COL4A6: variants seen among roughly 807,000 people sequenced by gnomAD.
COL4A6 encodes the protein collagen alpha-6(IV) chain.
In COL4A6, 59 loss-of-function variants were observed where a neutral mutation model predicts 126.7. That is an observed-to-expected ratio of 0.47 (90% CI 0.38 to 0.58). The LOEUF is 0.58. COL4A6 is among the 20% of genes least tolerant of loss of function. The pLI is 0.00. For missense variants in COL4A6, 1,285 were observed against 1,337.3 expected (o/e 0.96, Z 0.61); for synonymous variants, 547 against 496.6 (o/e 1.10, Z -1.35).
intron 2 of COL4A6, among the ~76,000 whole-genome samples, chrX:108,360,622 C>T (rs999042437): frequency 6.0e-4 from 65 of 107,738 alleles, no homozygotes; most frequent in African/African-American, 1.9e-3. Flanking sequence ...CTGCAACCTC[C>T]GCCTCCCGGG....
chrX:108,161,684 G>A lies in COL4A6; in HGVS notation c.4268C>T (p.Pro1423Leu), dbSNP rs1236230288. 1.7e-6 allele frequency: 2 copies of A among 1,204,530 alleles called. No homozygotes were observed. The highest frequency in any genetic ancestry group is 1.1e-6 in the Non-Finnish European group (1 of 892,368). ...ATCACCAAGAGCCCCAGGTGGGCCT[G>A]GGAGCCCACTGGGGCCATCTTTACC... Reference protein sequence around the residue: ...IPGKDGPSGLPGPPGALGDPG... With the variant: ...IPGKDGPSGLLGPPGALGDPG... The change falls in exon 42 of 45, where the codon CCA (proline) becomes CTA (leucine). Residue 1423 changes from proline to leucine, a missense_variant. Pro to Leu is a moderately conservative substitution (Grantham distance 98). Transcript: ENST00000334504.
chrX:108,287,502 C>T (rs1192158043), intron 3 of COL4A6, among the ~76,000 whole-genome samples: 1 of 111,768 alleles, frequency 8.9e-6, no homozygotes, highest in Non-Finnish European at 1.9e-5. Flanking sequence ...GAGTTTAGGG[C>T]TAATTTGGCA....
chrX:108,194,944 T>A (rs2035163789), intron 15 of COL4A6, 138 bp downstream of exon 15: 1 of 526,184 alleles, frequency 1.9e-6, no homozygotes. Context: ...GGACAGTGGC[T>A]AAGATTATAC....
chrX:108,194,669 T>C, intron 15 of COL4A6, 82 bp from the exon 16 acceptor site: 1 of 936,587 alleles, frequency 1.1e-6, no homozygotes, highest in Non-Finnish European at 1.5e-6. Context: ...CCAGGGCAAA[T>C]GGCACAGGGA....
chrX:108,316,913 A>T (rs903303150), intron 2 of COL4A6, among the ~76,000 whole-genome samples: 1 of 112,218 alleles, frequency 8.9e-6, no homozygotes, highest in Admixed American at 9.5e-5. Context: ...GCCAGATCAT[A>T]GAAGATTTCA....
At chrX:108,437,154 T>A (rs900989950) in intron 2 of COL4A6, among the ~76,000 whole-genome samples, 11 of 111,922 alleles carry the variant, frequency 9.8e-5, no homozygotes, top group African/African-American at 3.6e-4. Context: ...AACTGCAGCA[T>A]CTTTGATTAT....
At position 108,155,688 on chromosome X, in the gene COL4A6, A is replaced by G. The variant is rs761131685; in HGVS notation, c.*1312T>C. 1.8e-5 allele frequency: 2 copies of G among 112,446 alleles called. No homozygotes were observed. Among genetic ancestry groups the G allele is most frequent in the Admixed American group, 9.4e-5 (1 of 10,604 alleles). 9.3% of individuals were successfully genotyped at this position (112,446 alleles called of 1,213,427 possible). ...TATTACTCAGGAGGTAAAGATAACA[A>G]TAATTCAGATTATATTGATTATGCT... On this transcript the variant is annotated 3_prime_UTR_variant, in exon 45 of 45. Transcript: ENST00000334504.
intron 2 of COL4A6, among the ~76,000 whole-genome samples, chrX:108,353,457 T>A (rs970619053): frequency 1.8e-5 from 2 of 112,269 alleles, no homozygotes; most frequent in Admixed American, 9.4e-5. Flanking sequence ...GGCTTTGTAT[T>A]AAGCCTCAGG....
intron 3 of COL4A6, among the ~76,000 whole-genome samples, chrX:108,269,828 T>A (rs2037402507): frequency 8.9e-6 from 1 of 111,864 alleles, no homozygotes; most frequent in Non-Finnish European, 1.9e-5. Context: ...GAAGAATTTG[T>A]GTTTTAGTAG....
chrX:108,272,363 C>T (rs1008629812), intron 3 of COL4A6, among the ~76,000 whole-genome samples: 5 of 111,714 alleles, frequency 4.5e-5, no homozygotes, highest in Non-Finnish European at 7.5e-5. Context: ...CCTTATTACT[C>T]GAACTTCACT....
chrX:108,232,300 TG>T (rs1402376356), intron 3 of COL4A6, among the ~76,000 whole-genome samples: 1 of 111,704 alleles, frequency 9.0e-6, no homozygotes, highest in African/African-American at 3.3e-5. Flanking sequence ...TAATGGGAAT[TG>T]CAAGAATAAA....
chrX:108,327,659 T>C (rs1200674364), intron 2 of COL4A6, among the ~76,000 whole-genome samples: 1 of 107,941 alleles, frequency 9.3e-6, no homozygotes, highest in Non-Finnish European at 1.9e-5. Context: ...CAGAGAAGAG[T>C]GAGAGAAGGT....
intron 28 of COL4A6, 95 bp downstream of exon 28, chrX:108,176,746 T>C (rs1212675189): frequency 6.2e-6 from 6 of 964,591 alleles, no homozygotes; most frequent in East Asian, 6.2e-5. Flanking sequence ...TCCCTCCCCA[T>C]TTCCCATTCC....
chrX:108,359,269 G>T (rs764206696), intron 2 of COL4A6, among the ~76,000 whole-genome samples: 1 of 112,192 alleles, frequency 8.9e-6, no homozygotes, highest in East Asian at 2.8e-4. Context: ...TTAGACAATT[G>T]AGGGCCAAAG....
At chrX:108,283,119 C>T (rs994571026) in intron 3 of COL4A6, among the ~76,000 whole-genome samples, 1 of 107,219 alleles carries the variant, frequency 9.3e-6, no homozygotes, top group Non-Finnish European at 1.9e-5. Context: ...GCACATTGTG[C>T]ACTTGTACCC....
At position 108,438,011 on chromosome X, in the gene COL4A6, G is replaced by A; in HGVS notation, c.12-18C>T. 1 of 1,208,936 alleles carries A rather than the reference G, an allele frequency of 8.3e-7. No individual in the cohort carries two copies. Among genetic ancestry groups the A allele is most frequent in the Non-Finnish European group, 1.1e-6 (1 of 893,609 alleles). On this transcript the variant is annotated intron_variant, in intron 1 of 44. Transcript: ENST00000334504. ...GCCACAACCTGAAATGGGAGGGAGG[G>A]TGAGTAATGGGCTCTCTAGGCTTCG... is the stretch of plus-strand genomic sequence containing the variant.
intron 3 of COL4A6, among the ~76,000 whole-genome samples, chrX:108,224,038 C>T (rs1273850370): frequency 8.9e-6 from 1 of 112,211 alleles, no homozygotes; most frequent in Non-Finnish European, 1.9e-5. Flanking sequence ...ATCCTGCTCA[C>T]ACCATTAGAG....
chrX:108,161,611 C>T lies in COL4A6; in HGVS notation c.4333+8G>A. On this transcript the variant is annotated splice_region_variant and intron_variant, in intron 42 of 44. Transcript: ENST00000334504. ...CCCCGCCCGCCTCCTAATGTGGCAT[C>T]ATCAGACCTTCAAATCCTGGAGGGC... 1.3e-6 allele frequency: 1 copy of T among 764,300 alleles called. No individual in the cohort carries two copies. Among genetic ancestry groups the T allele is most frequent in the African/African-American group, 2.2e-5 (1 of 45,116 alleles). 63.0% of individuals were successfully genotyped at this position (764,300 alleles called of 1,213,427 possible). A position where few individuals can be genotyped will look rare whatever the true frequency, so the allele number is the denominator to read the frequency against.
At chrX:108,383,572 T>C in intron 2 of COL4A6, 1 of 477,699 alleles carries the variant, frequency 2.1e-6, no homozygotes, top group Non-Finnish European at 3.7e-6. Flanking sequence ...CTGCAACGAA[T>C]GCGAGGCGAA....
Sources: gnomAD v4.1 joint callset for allele counts (sites outside exome capture counted in the v4.1 genomes callset) on GRCh38, gnomAD v4.1.1 for gene constraint, MANE v1.5 for transcripts, NCBI Gene and HGNC (gene_info 2026-07-23, HGNC 2026-07-21) for gene names.